Variants in VNN1 observed in about 807,000 individuals in gnomAD.
VNN1 encodes pantetheinase.
In VNN1, 29 loss-of-function variants were observed where a neutral mutation model predicts 41.9. The observed-to-expected ratio is 0.69, with a 90% CI of 0.52 to 0.94. VNN1 has a LOEUF of 0.94. Among genes scored for constraint, VNN1 ranks in the 40% least tolerant of loss-of-function variants. The pLI, the probability that VNN1 is intolerant of heterozygous loss-of-function variation, is 0.00. For missense variants in VNN1, 637 were observed against 621.1 expected (o/e 1.03, Z -0.27); for synonymous variants, 233 against 224.4 (o/e 1.04, Z -0.34).
At position 132,680,964 on chromosome 6, in the gene VNN1, A is replaced by G. The variant is rs1270900548; in HGVS notation, c.*2176T>C. Among the ~76,000 whole-genome samples the G allele has an allele frequency of 6.6e-6, 1 of 152,202 alleles. No individual in the cohort carries two copies. Among genetic ancestry groups the G allele is most frequent in the Non-Finnish European group, 1.5e-5 (1 of 68,032 alleles). On this transcript the variant is annotated 3_prime_UTR_variant, in exon 7 of 7. Transcript: ENST00000367928. ...TTTGAAATACATATCACATATAGCA[A>G]AAAGAAAAGGAAAACAATCCTATTT...
At position 132,683,034 on chromosome 6, in the gene VNN1, AGT is replaced by A; in HGVS notation, c.*104_*105del. On this transcript the variant is annotated 3_prime_UTR_variant, in exon 7 of 7. Coordinates refer to ENST00000367928, the MANE Select transcript of VNN1 (RefSeq NM_004666.3). Reference sequence around the variant, plus strand: ...GTGTTTGTCTAAATAAAGAGAAACTAGTAATTCACTTATACTAGAGGATAATA... The same window carrying A: ...GTGTTTGTCTAAATAAAGAGAAACTAAATTCACTTATACTAGAGGATAATA... 2.2e-6 allele frequency: 2 copies of A among 904,136 alleles called. No individual in the cohort carries two copies. Among genetic ancestry groups the A allele is most frequent in the Non-Finnish European group, 3.2e-6 (2 of 626,862 alleles). 56.0% of individuals were successfully genotyped at this position (904,136 alleles called of 1,614,324 possible). A position where few individuals can be genotyped will look rare whatever the true frequency, so the allele number is the denominator to read the frequency against.
At position 132,697,808 on chromosome 6, in the gene VNN1, C is replaced by T. The variant is rs58707062; in HGVS notation, c.342-3626G>A. Among the ~76,000 whole-genome samples the T allele has an allele frequency of 7.6e-3, 1,160 of 152,166 alleles. 21 individuals carry two copies. Among genetic ancestry groups the T allele is most frequent in the African/African-American group, 0.025 (1,057 of 41,512 alleles). On this transcript the variant is annotated intron_variant, in intron 2 of 6. Transcript: ENST00000367928. ...TCAATGTGTTTGTAAGAAAGAACAA[C>T]CGTTCAATAGTTTAACCCACCTTTG...
intron 2 of VNN1, among the ~76,000 whole-genome samples, chr6:132,694,918 C>T (rs566617686): frequency 7.2e-4 from 109 of 152,076 alleles, no homozygotes; most frequent in African/African-American, 2.4e-3. Context: ...TTTGGGAGGC[C>T]GAGGTGGGTG....
intron 5 of VNN1, among the ~76,000 whole-genome samples, chr6:132,689,284 CAT>C (rs1554211490): frequency 7.9e-5 from 12 of 151,966 alleles, no homozygotes; most frequent in African/African-American, 2.9e-4. Flanking sequence ...CACACACACA[CAT>C]ACACACATAC....
intron 2 of VNN1, among the ~76,000 whole-genome samples, chr6:132,701,841 T>C (rs1778453015): frequency 6.6e-6 from 1 of 152,198 alleles, no homozygotes; most frequent in Non-Finnish European, 1.5e-5. Context: ...ATTTGTGCCC[T>C]TGGGGGAAGG....
At chr6:132,687,351 G>A (rs577688725) in intron 5 of VNN1, among the ~76,000 whole-genome samples, 23 of 152,270 alleles carry the variant, frequency 1.5e-4, no homozygotes, top group Admixed American at 5.2e-4. Context: ...CTTGCATCCC[G>A]ATCACTCTCT....
intron 2 of VNN1, among the ~76,000 whole-genome samples, chr6:132,694,522 C>T (rs1339206992): frequency 6.6e-6 from 1 of 152,038 alleles, no homozygotes; most frequent in Non-Finnish European, 1.5e-5. Context: ...CTTACATATC[C>T]CGTTTACTAA....
intron 5 of VNN1, among the ~76,000 whole-genome samples, chr6:132,691,520 G>T (rs1257951264): frequency 6.6e-6 from 1 of 152,066 alleles, no homozygotes; most frequent in African/African-American, 2.4e-5. Context: ...AGCAAGATAG[G>T]CATTTGTGAA....
intron 5 of VNN1, among the ~76,000 whole-genome samples, chr6:132,686,657 T>C (rs1466816226): frequency 6.6e-6 from 1 of 152,168 alleles, no homozygotes; most frequent in East Asian, 1.9e-4. Flanking sequence ...AGCTCAAAAT[T>C]GGCAAGTGTT....
chr6:132,683,053 A>G lies in VNN1; in HGVS notation c.*87T>C. On this transcript the variant is annotated 3_prime_UTR_variant, in exon 7 of 7. Transcript: ENST00000367928. Reference sequence around the variant, plus strand: ...GAAACTAGTAATTCACTTATACTAGAGGATAATATTAACCCGGACCAATCT... The same window carrying G: ...GAAACTAGTAATTCACTTATACTAGGGGATAATATTAACCCGGACCAATCT... The G allele has an allele frequency of 8.5e-7, 1 of 1,179,230 alleles. No individual in the cohort carries two copies. Among genetic ancestry groups the G allele is most frequent in the Non-Finnish European group, 1.2e-6 (1 of 851,892 alleles). 73.0% of individuals were successfully genotyped at this position (1,179,230 alleles called of 1,614,324 possible).
chr6:132,683,395 C>T (rs1406831867), intron 6 of VNN1, 73 bp from the exon 7 acceptor site: 5 of 1,444,938 alleles, frequency 3.5e-6, no homozygotes, highest in Non-Finnish European at 4.7e-6. Context: ...TTAAAATTTA[C>T]TATAACAGAA....
chr6:132,701,024 G>A (rs532333459), intron 2 of VNN1, among the ~76,000 whole-genome samples: 1 of 152,270 alleles, frequency 6.6e-6, no homozygotes, highest in South Asian at 2.1e-4. Flanking sequence ...TTATGCTATG[G>A]TGGAATTATG....
At position 132,713,815 on chromosome 6, in the gene VNN1, A is replaced by G. The variant is rs200605451; in HGVS notation, c.210+11T>C. On this transcript the variant is annotated intron_variant, in intron 1 of 6. Coordinates refer to ENST00000367928, the MANE Select transcript of VNN1 (RefSeq NM_004666.3). ...GAATCCAGTACACTGGAGAGATGGT[A>G]GAGATGGTACCTGATCTGCTGCTGA... is the stretch of plus-strand genomic sequence containing the variant. 6.2e-7 allele frequency: 1 copy of G among 1,603,282 alleles called. No individual in the cohort carries two copies. The highest frequency in any genetic ancestry group is 1.7e-5 in the Admixed American group (1 of 60,008).
intron 2 of VNN1, among the ~76,000 whole-genome samples, chr6:132,695,130 C>CAA (rs1221239486): frequency 6.6e-6 from 1 of 151,948 alleles, no homozygotes; most frequent in Admixed American, 6.6e-5. Flanking sequence ...CCATCCTAGG[C>CAA]AACAAGAGTG....
chr6:132,699,123 C>A, intron 2 of VNN1: 2 of 318,374 alleles, frequency 6.3e-6, no homozygotes, highest in South Asian at 3.5e-5. Context: ...AGGGATGTCC[C>A]ATTGGCAACT....
At chr6:132,692,814 G>GA (rs879832681) in intron 4 of VNN1, among the ~76,000 whole-genome samples, 8 of 149,268 alleles carry the variant, frequency 5.4e-5, no homozygotes, top group East Asian at 3.9e-4. Context: ...CATATATTTT[G>GA]AAAAAAAAAT....
At chr6:132,693,930 C>T in intron 3 of VNN1, 60 bp downstream of exon 3, 2 of 1,576,782 alleles carry the variant, frequency 1.3e-6, no homozygotes, top group Non-Finnish European at 1.7e-6. Context: ...ATATTTTTCT[C>T]CTTGCCCACT....
chr6:132,713,958 A>G lies in VNN1; in HGVS notation c.78T>C (p.Thr26=), dbSNP rs200565220. The change falls in exon 1 of 7, where the codon ACT becomes ACC. Residue 26 remains threonine, a synonymous_variant. Coordinates refer to ENST00000367928, the MANE Select transcript of VNN1 (RefSeq NM_004666.3). ...TCGCTGCATGCTCATAAACAGCTGC[A>G]GTGAAAGTGTCCTGGCAGCTGGCTC... ...VSRASCQDTF[T]AAVYEHAAIL... is the part of the protein sequence containing the mutation. 45 of 1,614,206 alleles carry G rather than the reference A, an allele frequency of 2.8e-5. No homozygotes were observed. Among genetic ancestry groups the G allele is most frequent in the Non-Finnish European group, 3.6e-5 (43 of 1,180,034 alleles).
intron 1 of VNN1, 28 bp from the exon 2 acceptor site, chr6:132,711,867 G>A (rs777012198): frequency 3.9e-5 from 62 of 1,610,348 alleles, no homozygotes; most frequent in Non-Finnish European, 5.2e-5. Context: ...TAATCCAAAG[G>A]GGGGCCTGCA....
Sources: allele counts gnomAD v4.1 joint callset (sites outside exome capture counted in the v4.1 genomes callset), GRCh38; gene constraint gnomAD v4.1.1; transcripts MANE v1.5; gene names NCBI Gene and HGNC (gene_info 2026-07-23, HGNC 2026-07-21).